Variants in SCN8A observed in about 807,000 individuals in gnomAD.
SCN8A encodes sodium channel protein type 8 subunit alpha.
In SCN8A, 30 loss-of-function variants were observed where a neutral mutation model predicts 184.1. The ratio of observed to expected loss-of-function variants is 0.16; its 90% CI spans 0.12 to 0.22. The LOEUF (loss-of-function observed/expected upper bound fraction) is 0.22, where lower values mean the gene tolerates loss of function less well. SCN8A is among the 10% of genes least tolerant of loss of function. The pLI, the probability that SCN8A is intolerant of heterozygous loss-of-function variation, is 1.00. For missense variants in SCN8A, 1,057 were observed against 2,498.9 expected, an observed-to-expected ratio of 0.42 and a Z score of 12.30; for synonymous variants, 852 against 907.0, an observed-to-expected ratio of 0.94 and a Z score of 1.09.
intron 12 of SCN8A, among the ~76,000 whole-genome samples, chr12:51,728,481 C>T (rs1942188696): frequency 6.6e-6 from 1 of 152,098 alleles, no homozygotes; most frequent in African/African-American, 2.4e-5. Flanking sequence ...TACCTGTAAT[C>T]CCAACGCTTT....
chr12:51,764,717 A>G (rs934330659), intron 15 of SCN8A, among the ~76,000 whole-genome samples: 1 of 151,894 alleles, frequency 6.6e-6, no homozygotes, highest in African/African-American at 2.4e-5. Flanking sequence ...GAATATAGAT[A>G]TTTCATGATT....
At chr12:51,629,221 G>C (rs1940143960) in intron 1 of SCN8A, among the ~76,000 whole-genome samples, 1 of 152,198 alleles carries the variant, frequency 6.6e-6, no homozygotes, top group Non-Finnish European at 1.5e-5. Flanking sequence ...TATGGCAGAG[G>C]CTATTTTTTC....
At chr12:51,618,394 G>C (rs568653529) in intron 1 of SCN8A, among the ~76,000 whole-genome samples, 1 of 151,452 alleles carries the variant, frequency 6.6e-6, no homozygotes, top group African/African-American at 2.4e-5. Flanking sequence ...TTTTCTGTCT[G>C]TGCTTGGGGC....
intron 2 of SCN8A, among the ~76,000 whole-genome samples, chr12:51,666,312 C>T (rs1326331723): frequency 2.0e-5 from 3 of 152,172 alleles, no homozygotes; most frequent in African/African-American, 7.2e-5. Context: ...ATCTTCCACT[C>T]TTAAGAAACA....
chr12:51,636,196 C>A (rs186139721), intron 1 of SCN8A, among the ~76,000 whole-genome samples: 227 of 152,276 alleles, frequency 1.5e-3, no homozygotes, highest in Middle Eastern at 3.4e-3. Flanking sequence ...CGGGGTTTCA[C>A]CATGTTAGTT....
At chr12:51,783,906 A>G (rs978272856) in intron 21 of SCN8A, among the ~76,000 whole-genome samples, 1 of 152,224 alleles carries the variant, frequency 6.6e-6, no homozygotes, top group African/African-American at 2.4e-5. Context: ...ATAAACTTCC[A>G]TTGATAAAAG....
intron 12 of SCN8A, among the ~76,000 whole-genome samples, chr12:51,734,061 C>T (rs1942284700): frequency 6.6e-6 from 1 of 152,020 alleles, no homozygotes. Context: ...TTCTTCATTC[C>T]ACATTCATTT....
chr12:51,772,166 C>T (rs1343093749), intron 19 of SCN8A, among the ~76,000 whole-genome samples: 2 of 150,112 alleles, frequency 1.3e-5, no homozygotes, highest in Admixed American at 6.6e-5. Flanking sequence ...GAGGCCAAGA[C>T]GTGCGGATCA....
At chr12:51,662,097 G>A (rs530404351) in intron 1 of SCN8A, among the ~76,000 whole-genome samples, 1 of 152,290 alleles carries the variant, frequency 6.6e-6, no homozygotes, top group Admixed American at 6.5e-5. Flanking sequence ...TTTTCTAGTT[G>A]CTAAGCAGGT....
intron 20 of SCN8A, among the ~76,000 whole-genome samples, chr12:51,778,224 C>T: frequency 6.6e-6 from 1 of 152,164 alleles, no homozygotes; most frequent in Non-Finnish European, 1.5e-5. Context: ...GAGAAGATAA[C>T]TACACTGGTG....
chr12:51,598,305 A>G (rs555880722), intron 1 of SCN8A, among the ~76,000 whole-genome samples: 7 of 152,166 alleles, frequency 4.6e-5, no homozygotes, highest in Non-Finnish European at 1.0e-4. Flanking sequence ...CTCCCCTCCA[A>G]CAATTCCTTT....
chr12:51,714,239 G>A (rs539086019), intron 11 of SCN8A, among the ~76,000 whole-genome samples: 22 of 152,178 alleles, frequency 1.4e-4, no homozygotes, highest in Non-Finnish European at 2.4e-4. Flanking sequence ...TAAACAGTTA[G>A]TTGTGACGTG....
At chr12:51,790,642 C>G in intron 25 of SCN8A, 140 bp downstream of exon 25, 1 of 600,306 alleles carries the variant, frequency 1.7e-6, no homozygotes, top group Non-Finnish European at 3.0e-6. Flanking sequence ...TCCAAAAGAT[C>G]TGAATAGGAC....
intron 23 of SCN8A, 141 bp from the exon 24 acceptor site, chr12:51,789,140 G>A (rs1482547203): frequency 1.2e-6 from 1 of 828,326 alleles, no homozygotes; most frequent in Non-Finnish European, 1.9e-6. Context: ...TGTAGAGAAG[G>A]AGGCAGGCAG....
At chr12:51,702,730 G>T in intron 8 of SCN8A, 43 bp from the exon 9 acceptor site, 1 of 1,473,228 alleles carries the variant, frequency 6.8e-7, no homozygotes, top group South Asian at 1.6e-5. Context: ...ATGGCTGGGT[G>T]GAATTATGTT....
At chr12:51,623,316 T>C (rs1014228977) in intron 1 of SCN8A, among the ~76,000 whole-genome samples, 1 of 152,240 alleles carries the variant, frequency 6.6e-6, no homozygotes, top group Non-Finnish European at 1.5e-5. Flanking sequence ...GTATATATGC[T>C]AAGCTAAACG....
At chr12:51,790,564 G>A (rs1271511564) in intron 25 of SCN8A, 62 bp downstream of exon 25, 1 of 1,099,154 alleles carries the variant, frequency 9.1e-7, no homozygotes, top group East Asian at 2.5e-5. Flanking sequence ...TACTAGTAGA[G>A]TTACTGCAAA....
At chr12:51,789,495 G>C in intron 24 of SCN8A, 77 bp downstream of exon 24, 1 of 1,443,818 alleles carries the variant, frequency 6.9e-7, no homozygotes, top group Non-Finnish European at 9.5e-7. Flanking sequence ...TCTCTAGAAA[G>C]AAAATGTCCC....
chr12:51,699,408 A>T (rs1168105380), intron 6 of SCN8A, among the ~76,000 whole-genome samples, 162 bp from the exon 7 acceptor site: 1 of 152,204 alleles, frequency 6.6e-6, no homozygotes, highest in Non-Finnish European at 1.5e-5. Flanking sequence ...GAATATTGAT[A>T]ATTTTGCTGA....
Sources: allele counts gnomAD v4.1 joint callset (sites outside exome capture counted in the v4.1 genomes callset), GRCh38; gene constraint gnomAD v4.1.1; transcripts MANE v1.5; gene names NCBI Gene and HGNC (gene_info 2026-07-23, HGNC 2026-07-21).